INSL6: variants seen among roughly 807,000 people sequenced by gnomAD.
INSL6 encodes the protein insulin like 6.
In INSL6, 16 loss-of-function variants were observed where a neutral mutation model predicts 9.4. The observed-to-expected ratio is 1.70, with a 90% CI of 1.15 to 2.59. The LOEUF (loss-of-function observed/expected upper bound fraction) is 2.59, where lower values mean the gene tolerates loss of function less well. Among genes scored for constraint, INSL6 ranks in the 30% most tolerant of loss-of-function variants. The pLI, the probability that INSL6 is intolerant of heterozygous loss-of-function variation, is 0.00. For missense variants in INSL6, 391 were observed against 257.3 expected, an observed-to-expected ratio of 1.52 and a Z score of -3.56; for synonymous variants, 154 against 96.9, an observed-to-expected ratio of 1.59 and a Z score of -3.46.
At chr9:5,132,869 G>C (rs982664690) in intron 3 of INSL6, 22 of 152,208 alleles carry the variant, frequency 1.4e-4, no homozygotes, top group African/African-American at 5.3e-4. Flanking sequence ...GACAAAATTA[G>C]AAGATTACAA....
At chr9:5,135,871 C>A (rs191243618) in intron 2 of INSL6, among the ~76,000 whole-genome samples, 1 of 151,896 alleles carries the variant, frequency 6.6e-6, no homozygotes, top group Non-Finnish European at 1.5e-5. Flanking sequence ...AATAGATACA[C>A]GGCTAGCCAG....
At chr9:5,045,378 A>T in the INSL6 span, among the ~76,000 whole-genome samples, 1 of 152,230 alleles carries the variant, frequency 6.6e-6, no homozygotes, top group Non-Finnish European at 1.5e-5. Flanking sequence ...CTATTGGGGT[A>T]TGAGACCAAC....
At chr9:5,089,321 C>T in the INSL6 span, among the ~76,000 whole-genome samples, 1 of 151,886 alleles carries the variant, frequency 6.6e-6, no homozygotes, top group Admixed American at 6.6e-5. Flanking sequence ...GGTGGATCAC[C>T]AGGTCAGGAG....
chr9:5,061,893 G>C, the INSL6 span, among the ~76,000 whole-genome samples: 1 of 152,154 alleles, frequency 6.6e-6, no homozygotes, highest in African/African-American at 2.4e-5. Flanking sequence ...AATACTCAGT[G>C]GTCATTGTAG....
the INSL6 span, among the ~76,000 whole-genome samples, chr9:5,042,430 C>A: frequency 6.6e-6 from 1 of 152,116 alleles, no homozygotes; most frequent in African/African-American, 2.4e-5. Flanking sequence ...AGCCACCGCG[C>A]CCGGCCAAGA....
the INSL6 span, among the ~76,000 whole-genome samples, chr9:5,024,232 G>A: frequency 6.6e-6 from 1 of 152,088 alleles, no homozygotes; most frequent in African/African-American, 2.4e-5. Flanking sequence ...CTCCAGCCTG[G>A]GCGACAGAGC....
At chr9:5,041,996 G>A in the INSL6 span, 1 of 354,930 alleles carries the variant, frequency 2.8e-6, no homozygotes. Flanking sequence ...GAGGGCCTTG[G>A]GGCCCACCCA....
At chr9:5,128,355 G>C in intron 3 of INSL6, among the ~76,000 whole-genome samples, 1 of 151,554 alleles carries the variant, frequency 6.6e-6, no homozygotes, top group East Asian at 1.9e-4. Context: ...CAGTGAATTA[G>C]GTTTTAAAAA....
At chr9:5,007,213 C>T in the INSL6 span, among the ~76,000 whole-genome samples, 3 of 151,986 alleles carry the variant, frequency 2.0e-5, no homozygotes, top group East Asian at 1.9e-4. Context: ...CATTGTTCAG[C>T]CTTTCTTCTC....
chr9:5,144,095 G>C (rs1032047258), intron 2 of INSL6, among the ~76,000 whole-genome samples: 29 of 152,114 alleles, frequency 1.9e-4, no homozygotes, highest in African/African-American at 6.5e-4. Context: ...TGTGATGTTA[G>C]GTTGTTAACT....
downstream of INSL6, among the ~76,000 whole-genome samples, chr9:5,159,872 C>T (rs369519417): frequency 1.1e-3 from 174 of 152,286 alleles, 1 homozygote; most frequent in African/African-American, 4.0e-3. Flanking sequence ...GGCTCATCCT[C>T]GAGAATAGAC....
At chr9:5,018,703 T>C in the INSL6 span, among the ~76,000 whole-genome samples, 1 of 152,236 alleles carries the variant, frequency 6.6e-6, no homozygotes, top group African/African-American at 2.4e-5. Flanking sequence ...TCTGGTCTAG[T>C]AGTGTTGAAT....
the INSL6 span, among the ~76,000 whole-genome samples, chr9:4,997,322 G>A: frequency 2.0e-5 from 3 of 152,152 alleles, no homozygotes; most frequent in Non-Finnish European, 4.4e-5. Flanking sequence ...TGGTTCTGCA[G>A]GCTTACAAGC....
chr9:5,029,649 A>G, the INSL6 span: 1 of 721,448 alleles, frequency 1.4e-6, no homozygotes, highest in Non-Finnish European at 2.2e-6. Flanking sequence ...TGGTATATCA[A>G]AAGATTTCGA....
chr9:5,042,389 G>A, the INSL6 span, among the ~76,000 whole-genome samples: 2 of 150,844 alleles, frequency 1.3e-5, no homozygotes, highest in African/African-American at 2.4e-5. Context: ...CACCCGCCTC[G>A]GCCTCCCAAA....
chr9:5,154,234 AT>A (rs1394921636), intron 2 of INSL6, among the ~76,000 whole-genome samples: 1 of 152,254 alleles, frequency 6.6e-6, no homozygotes, highest in South Asian at 2.1e-4. Flanking sequence ...AGGATTCCTT[AT>A]TTAATAAATG....
chr9:5,063,181 T>C, the INSL6 span, among the ~76,000 whole-genome samples: 1 of 152,312 alleles, frequency 6.6e-6, no homozygotes, highest in African/African-American at 2.4e-5. Context: ...CCAAGAAATA[T>C]GCTGTAATCA....
chr9:5,143,546 T>C (rs531715048), intron 2 of INSL6, among the ~76,000 whole-genome samples: 3 of 152,300 alleles, frequency 2.0e-5, no homozygotes, highest in Admixed American at 1.3e-4. Flanking sequence ...CCCCCTGTCA[T>C]TTCTGATAGT....
the INSL6 span, among the ~76,000 whole-genome samples, chr9:5,042,953 C>T: frequency 6.6e-6 from 1 of 152,228 alleles, no homozygotes. Flanking sequence ...GGCACCTGTT[C>T]CCCGAGGCTG....
Sources: gnomAD v4.1 joint callset for allele counts (sites outside exome capture counted in the v4.1 genomes callset) on GRCh38, gnomAD v4.1.1 for gene constraint, MANE v1.5 for transcripts, NCBI Gene and HGNC (gene_info 2026-07-23, HGNC 2026-07-21) for gene names.